The following CMPK2 variants were observed in gnomAD, a reference collection of about 807,000 sequenced individuals.
The protein encoded by CMPK2 is cytidine/uridine monophosphate kinase 2.
Under a neutral mutation model 33.4 loss-of-function variants are expected in CMPK2, and 32 were observed. That is an observed-to-expected ratio of 0.96 (90% CI 0.72 to 1.29). The LOEUF (loss-of-function observed/expected upper bound fraction) is 1.29. Ranked by LOEUF, CMPK2 falls within the 50% of genes most tolerant of loss-of-function variation. The pLI is 0.00. For missense variants in CMPK2, 672 were observed against 616.0 expected (o/e 1.09, Z -0.96); for synonymous variants, 299 against 275.3 (o/e 1.09, Z -0.85).
Position 6,849,694 on chromosome 2 carries a change from C to T in CMPK2, c.*156G>A, listed in dbSNP as rs1036349103. ...CGGGTCCATCAGTCAGAAGAGGGTA[C>T]GATGGCTGAAGTAAAATTAAGATGC... is the stretch of plus-strand genomic sequence containing the variant. On this transcript the variant is annotated 3_prime_UTR_variant, in exon 5 of 5. Transcript: ENST00000256722. 9 of 1,499,836 alleles carry T rather than the reference C, an allele frequency of 6.0e-6. 1 individual carries two copies. The highest frequency in any genetic ancestry group is 2.8e-5 in the South Asian group (2 of 72,248). The allele number at this position is 1,499,836 out of a possible 1,614,324, so 92.9% of individuals were successfully genotyped here. A position where few individuals can be genotyped will look rare whatever the true frequency, so the allele number is the denominator to read the frequency against.
chr2:6,856,876 T>C (rs538370890), intron 3 of CMPK2, among the ~76,000 whole-genome samples: 21 of 152,362 alleles, frequency 1.4e-4, no homozygotes, highest in African/African-American at 4.3e-4. Context: ...TTCCACCTTA[T>C]ACATATGCTG....
At chr2:6,842,110 G>C (rs1034327444) in intron 3 of CMPK2, among the ~76,000 whole-genome samples, 23 of 152,120 alleles carry the variant, frequency 1.5e-4, no homozygotes, top group African/African-American at 5.6e-4. Flanking sequence ...CAGGTTCCTT[G>C]TTCTATAATA....
At position 6,861,164 on chromosome 2, in the gene CMPK2, C is replaced by G. The variant is rs1662869013; in HGVS notation, c.992+20G>C. 6.3e-7 allele frequency: 1 copy of G among 1,590,740 alleles called. No homozygotes were observed. On this transcript the variant is annotated intron_variant, in intron 3 of 4. Coordinates refer to ENST00000256722, the MANE Select transcript of CMPK2 (RefSeq NM_207315.4). ...TATATTAGGGAGAAAATGCCTAATT[C>G]AAGGCATCTTTATACCTACCTGTCT...
At chr2:6,853,386 C>A (rs527746816) in intron 3 of CMPK2, among the ~76,000 whole-genome samples, 1 of 152,152 alleles carries the variant, frequency 6.6e-6, no homozygotes, top group Non-Finnish European at 1.5e-5. Flanking sequence ...GTCCCCCGCC[C>A]CACCTGTTTT....
intron 3 of CMPK2, among the ~76,000 whole-genome samples, chr2:6,841,700 A>T (rs1662238892): frequency 6.6e-6 from 1 of 152,114 alleles, no homozygotes; most frequent in African/African-American, 2.4e-5. Context: ...ACAGCCTTCA[A>T]GTGTGCTGGG....
At chr2:6,866,418 ACACT>A (rs753914436), upstream of CMPK2, 311 of 985,056 alleles carry the variant, frequency 3.2e-4, no homozygotes, top group Non-Finnish European at 3.6e-4. Flanking sequence ...ACCTTTGCAC[ACACT>A]CACCTGTGCA....
intron 1 of CMPK2, 53 bp from the exon 2 acceptor site, chr2:6,863,631 A>G (rs1213998591): frequency 1.5e-6 from 2 of 1,331,606 alleles, no homozygotes; most frequent in Non-Finnish European, 1.1e-6. Context: ...TTTTGCAGAA[A>G]TCACACCTAA....
At position 6,849,189 on chromosome 2, in the gene CMPK2, T is replaced by G. The variant is rs1662438919; in HGVS notation, c.*661A>C. ...TATTTGCAGTTGGAGCATCTTGGCT[T>G]GAATGTCTTTATATATGACTCAGAA... On this transcript the variant is annotated 3_prime_UTR_variant, in exon 5 of 5. Transcript: ENST00000256722. The G allele has an allele frequency of 1.0e-6, 1 of 985,316 alleles. No homozygotes were observed. Among genetic ancestry groups the G allele is most frequent in the African/African-American group, 1.7e-5 (1 of 57,234 alleles). 61.0% of individuals were successfully genotyped at this position (985,316 alleles called of 1,614,324 possible).
chr2:6,865,420 GCGCCGCCCGGACCCGGGCCCCGCAGC>G lies in CMPK2; in HGVS notation c.251_276del (p.Gly84AlafsTer47). 7.6e-7 allele frequency: 1 copy of G among 1,316,930 alleles called. No individual in the cohort carries two copies. Among genetic ancestry groups the G allele is most frequent in the Non-Finnish European group, 9.6e-7 (1 of 1,039,884 alleles). The allele number at this position is 1,316,930 out of a possible 1,614,324, so 81.6% of individuals were successfully genotyped here. A position where few individuals can be genotyped will look rare whatever the true frequency, so the allele number is the denominator to read the frequency against. On this transcript the variant is annotated frameshift_variant, in exon 1 of 5. Coordinates refer to ENST00000256722, the MANE Select transcript of CMPK2 (RefSeq NM_207315.4). LOFTEE classifies it high-confidence loss of function. ...TGGTGCAGCAGGCGCTGGTGCAGCC[GCGCCGCCCGGACCCGGGCCCCGCAGC>G]CGGCGTCCGGGGTCACGGGCACGCA...
chr2:6,860,445 T>A (rs749880809), intron 3 of CMPK2, among the ~76,000 whole-genome samples: 1 of 152,160 alleles, frequency 6.6e-6, no homozygotes, highest in Non-Finnish European at 1.5e-5. Context: ...TGGGAGGTAA[T>A]TGCATCATGG....
chr2:6,861,076 G>T (rs987513636), intron 3 of CMPK2, 108 bp downstream of exon 3: 16 of 918,392 alleles, frequency 1.7e-5, no homozygotes, highest in Middle Eastern at 2.2e-4. Context: ...TTTTTTCCTG[G>T]CATATACATG....
At chr2:6,855,091 A>G (rs1181179697) in intron 3 of CMPK2, among the ~76,000 whole-genome samples, 1 of 150,656 alleles carries the variant, frequency 6.6e-6, no homozygotes. Flanking sequence ...GCCAAAGGGT[A>G]TTAGGTTGGT....
chr2:6,846,671 A>T (rs573389006), downstream of CMPK2, among the ~76,000 whole-genome samples: 5 of 152,320 alleles, frequency 3.3e-5, no homozygotes, highest in African/African-American at 1.2e-4. Flanking sequence ...GAGTTAGTCC[A>T]AGGGCCTTCA....
chr2:6,859,199 T>G (rs1266991913), intron 3 of CMPK2, among the ~76,000 whole-genome samples: 1 of 152,204 alleles, frequency 6.6e-6, no homozygotes, highest in African/African-American at 2.4e-5. Context: ...AAGAGGTGAC[T>G]TGGATGCTGT....
In CMPK2 at chr2:6,848,316, T is replaced by C. The variant is rs1662414392; in HGVS notation, c.*1534A>G. ...TCAATATGTACCCAGGATGACAGCA[T>C]AGATTAGTAAACCACAGCAAAGTTT... is the stretch of plus-strand genomic sequence containing the variant. On this transcript the variant is annotated 3_prime_UTR_variant, in exon 5 of 5. Coordinates refer to ENST00000256722, the MANE Select transcript of CMPK2 (RefSeq NM_207315.4). 3 of 976,932 alleles carry C rather than the reference T, an allele frequency of 3.1e-6. 1 individual carries two copies. Among genetic ancestry groups the C allele is most frequent in the Admixed American group, 1.2e-4 (2 of 16,262 alleles). The allele number at this position is 976,932 out of a possible 1,614,324, so 60.5% of individuals were successfully genotyped here.
At chr2:6,859,439 G>A (rs548781836) in intron 3 of CMPK2, among the ~76,000 whole-genome samples, 5 of 152,136 alleles carry the variant, frequency 3.3e-5, no homozygotes, top group Non-Finnish European at 7.4e-5. Context: ...AGACCCCGAG[G>A]TTTAGAAGGA....
At chr2:6,848,229 A>C (rs188212651), downstream of CMPK2, 40 of 532,028 alleles carry the variant, frequency 7.5e-5, 2 homozygotes, top group East Asian at 5.9e-3. Context: ...CCTTTACCAA[A>C]ATTTCCCTCC....
downstream of CMPK2, among the ~76,000 whole-genome samples, chr2:6,847,385 G>A (rs1241576377): frequency 6.6e-6 from 1 of 152,188 alleles, no homozygotes; most frequent in Non-Finnish European, 1.5e-5. Context: ...CTATACAAAG[G>A]ACAAAGGTGT....
intron 3 of CMPK2, among the ~76,000 whole-genome samples, chr2:6,857,784 C>T (rs2103224196): frequency 6.6e-6 from 1 of 151,964 alleles, no homozygotes; most frequent in East Asian, 1.9e-4. Flanking sequence ...TACAAGTGCC[C>T]ACCACCTCGC....
Sources: gnomAD v4.1 joint callset for allele counts (sites outside exome capture counted in the v4.1 genomes callset) on GRCh38, gnomAD v4.1.1 for gene constraint, MANE v1.5 for transcripts, NCBI Gene and HGNC (gene_info 2026-07-23, HGNC 2026-07-21) for gene names.